Variants in HOXC4 observed in about 807,000 individuals in gnomAD.
The protein encoded by HOXC4 is homeobox protein Hox-C4.
A neutral mutation model predicts 25.5 loss-of-function variants in HOXC4; 15 were observed. The observed-to-expected ratio is 0.59, with a 90% confidence interval of 0.39 to 0.91. The LOEUF (loss-of-function observed/expected upper bound fraction) is 0.91, where lower values mean the gene tolerates loss of function less well. HOXC4 is among the 40% of genes least tolerant of loss of function. The pLI is 0.00. For missense variants in HOXC4, 342 were observed against 352.4 expected (o/e 0.97, Z 0.24); for synonymous variants, 165 against 148.0 (o/e 1.11, Z -0.83).
upstream of HOXC4, among the ~76,000 whole-genome samples, chr12:54,050,679 C>T (rs571396658): frequency 6.6e-6 from 1 of 152,134 alleles, no homozygotes; most frequent in South Asian, 2.1e-4. Flanking sequence ...ATGTGACAGG[C>T]GACTTCCTTG....
At chr12:54,038,639 C>G (rs551186367) in intron 1 of HOXC4, among the ~76,000 whole-genome samples, 1 of 152,308 alleles carries the variant, frequency 6.6e-6, no homozygotes, top group Non-Finnish European at 1.5e-5. Flanking sequence ...AGTTTGGCAT[C>G]TTAGTCCGTC....
At chr12:54,025,236 TCTG>T (rs2136428345) in intron 1 of HOXC4, among the ~76,000 whole-genome samples, 1 of 152,338 alleles carries the variant, frequency 6.6e-6, no homozygotes, top group Admixed American at 6.5e-5. Context: ...TGTTCTTGCT[TCTG>T]CTGATGAGTT....
intron 1 of HOXC4, among the ~76,000 whole-genome samples, chr12:54,025,141 A>G (rs1378445781): frequency 6.6e-6 from 1 of 152,154 alleles, no homozygotes; most frequent in Non-Finnish European, 1.5e-5. Context: ...GGCTCGTTTT[A>G]TAGAAACAAA....
intron 1 of HOXC4, among the ~76,000 whole-genome samples, chr12:54,038,346 G>A (rs1236802242): frequency 1.3e-5 from 2 of 152,198 alleles, no homozygotes; most frequent in African/African-American, 4.8e-5. Context: ...CAACAAGGGT[G>A]TTTGGTGTCT....
At chr12:54,047,613 C>T (rs775386277) in intron 1 of HOXC4, among the ~76,000 whole-genome samples, 22 of 152,196 alleles carry the variant, frequency 1.4e-4, no homozygotes, top group Non-Finnish European at 2.9e-5. Flanking sequence ...GGGGACGAAG[C>T]CCAAGGCTGG....
chr12:54,033,526 C>G (rs746383607), intron 1 of HOXC4: 18 of 1,561,098 alleles, frequency 1.2e-5, no homozygotes, highest in Non-Finnish European at 1.6e-5. Context: ...AGCCAGCCAC[C>G]GGCCCCGCCA....
intron 1 of HOXC4, among the ~76,000 whole-genome samples, chr12:54,048,109 G>T (rs567654467): frequency 6.6e-6 from 1 of 152,230 alleles, no homozygotes; most frequent in South Asian, 2.1e-4. Context: ...AGGCAGACGG[G>T]GTTATTAAAG....
chr12:54,050,162 C>T (rs1007094626), upstream of HOXC4, among the ~76,000 whole-genome samples: 2 of 152,112 alleles, frequency 1.3e-5, no homozygotes, highest in East Asian at 3.9e-4. Context: ...CAGCCGGCAG[C>T]TTGTTACTGG....
chr12:54,040,399 A>C (rs1172771156), intron 1 of HOXC4, among the ~76,000 whole-genome samples: 4 of 151,444 alleles, frequency 2.6e-5, no homozygotes, highest in Non-Finnish European at 2.9e-5. Context: ...CCTTCCCACC[A>C]CAGCCTTAGC....
chr12:54,019,668 C>T (rs1940341488), intron 1 of HOXC4, among the ~76,000 whole-genome samples: 1 of 151,952 alleles, frequency 6.6e-6, no homozygotes, highest in Non-Finnish European at 1.5e-5. Context: ...TTAGAAGGGC[C>T]CCCTCCCACC....
chr12:54,025,654 G>A (rs907118319), intron 1 of HOXC4, among the ~76,000 whole-genome samples: 1 of 151,966 alleles, frequency 6.6e-6, no homozygotes, highest in Middle Eastern at 3.2e-3. Context: ...CCAGCAGCTG[G>A]TTTCTGTTCA....
At chr12:54,034,152 G>C (rs1339490406) in intron 1 of HOXC4, 1 of 919,552 alleles carries the variant, frequency 1.1e-6, no homozygotes, top group African/African-American at 1.6e-5. Flanking sequence ...CGGCCCGCGT[G>C]GCCTGTCTTG....
In HOXC4 at chr12:54,054,301, A is replaced by T. The variant is rs1209934591; in HGVS notation, c.379A>T (p.Ser127Cys). 3 of 1,445,932 alleles carry T rather than the reference A, an allele frequency of 2.1e-6. No homozygotes were observed. Among genetic ancestry groups the T allele is most frequent in the Admixed American group, 4.0e-5 (2 of 49,740 alleles). The allele number at this position is 1,445,932 out of a possible 1,614,324, so 89.6% of individuals were successfully genotyped here. The change falls in exon 1 of 2, where the codon AGC becomes TGC. Residue 127 changes from serine (S) to cysteine (C), a missense_variant. By Grantham distance (112) the Ser-to-Cys change is moderately radical. Coordinates refer to ENST00000430889, the MANE Select transcript of HOXC4 (RefSeq NM_153633.3). The stretch of plus-strand genomic sequence containing the variant: ...CCAGCCAGCCCCCGACCATCCCTCC[A>T]GCGCCGCCAGCAAGCAACCCATAGT... ...CSQPAPDHPS[S>C]AASKQPIVYP...
At chr12:54,033,965 AG>A (rs1187194407) in intron 1 of HOXC4, 1 of 394,980 alleles carries the variant, frequency 2.5e-6, no homozygotes, top group African/African-American at 2.2e-5. Flanking sequence ...GAGGGGCGGG[AG>A]GGGGGTCCCC....
At chr12:54,054,417 C>T in intron 1 of HOXC4, 56 bp downstream of exon 1, 5 of 1,276,358 alleles carry the variant, frequency 3.9e-6, no homozygotes, top group Non-Finnish European at 5.3e-6. Context: ...TAGCGCTCCC[C>T]ACCCTCCTCG....
chr12:54,025,232 T>G (rs1485232411), intron 1 of HOXC4, among the ~76,000 whole-genome samples: 1 of 152,230 alleles, frequency 6.6e-6, no homozygotes, highest in Non-Finnish European at 1.5e-5. Context: ...CATCTGTTCT[T>G]GCTTCTGCTG....
chr12:54,025,936 T>C (rs1053068592), intron 1 of HOXC4, among the ~76,000 whole-genome samples: 1 of 151,942 alleles, frequency 6.6e-6, no homozygotes, highest in African/African-American at 2.4e-5. Flanking sequence ...CCAAGGTCCT[T>C]CCCTCCCCCA....
At chr12:54,018,950 G>A (rs1165339934) in intron 1 of HOXC4, among the ~76,000 whole-genome samples, 1 of 152,118 alleles carries the variant, frequency 6.6e-6, no homozygotes, top group African/African-American at 2.4e-5. Context: ...CCTGTGGGGG[G>A]GCGGGGATGG....
chr12:54,043,918 CTGTGTGTGTGTGTGTGTGTGTGTG>C (rs71444829), intron 1 of HOXC4, among the ~76,000 whole-genome samples: 2 of 127,272 alleles, frequency 1.6e-5, no homozygotes, highest in Non-Finnish European at 3.3e-5. Flanking sequence ...AAAACACAGG[CTGTGTGTGTGTGTGTGTGTGTGTG>C]TGTGTGTGTG....
Sources: allele counts gnomAD v4.1 joint callset (sites outside exome capture counted in the v4.1 genomes callset), GRCh38; gene constraint gnomAD v4.1.1; transcripts MANE v1.5; gene names NCBI Gene and HGNC (gene_info 2026-07-23, HGNC 2026-07-21).